TDRD1: variants seen among roughly 807,000 people sequenced by gnomAD.
TDRD1 encodes the protein tudor domain containing 1, also known as tudor domain-containing protein 1.
In TDRD1, 37 loss-of-function variants were observed where a neutral mutation model predicts 140.6. The ratio of observed to expected loss-of-function variants is 0.26; its 90% CI spans 0.20 to 0.35. The LOEUF is 0.35. TDRD1 is among the 10% of genes least tolerant of loss of function. TDRD1 has a pLI of 1.00. For missense variants in TDRD1, 1,243 were observed against 1,393.0 expected (o/e 0.89, Z 1.71); for synonymous variants, 506 against 475.7 (o/e 1.06, Z -0.83).
chr10:114,183,867 C>G (rs1354198915), intron 1 of TDRD1, among the ~76,000 whole-genome samples: 1 of 151,880 alleles, frequency 6.6e-6, no homozygotes. Context: ...CCTTGGCCTC[C>G]CAAAGTGCTG....
chr10:114,222,617 C>T, exon 21 of TDRD1: 1 of 1,611,390 alleles, frequency 6.2e-7, no homozygotes, highest in South Asian at 1.1e-5. Context: ...ATGTTGACAG[C>T]TGAATTATTA....
intron 1 of TDRD1, among the ~76,000 whole-genome samples, chr10:114,185,185 T>C (rs1429041184): frequency 2.0e-5 from 3 of 152,128 alleles, no homozygotes; most frequent in Non-Finnish European, 4.4e-5. Context: ...TTTATCTCCT[T>C]GGAGTGTTTG....
At chr10:114,194,701 GT>G (rs1003309612) in intron 3 of TDRD1, among the ~76,000 whole-genome samples, 3 of 144,532 alleles carry the variant, frequency 2.1e-5, no homozygotes, top group Non-Finnish European at 4.6e-5. Context: ...TTTTGGGCAT[GT>G]TTTTTTGTCA....
upstream of TDRD1, among the ~76,000 whole-genome samples, chr10:114,177,602 A>G (rs1016463070): frequency 2.6e-5 from 4 of 152,212 alleles, no homozygotes; most frequent in East Asian, 7.7e-4. Context: ...AGGATCCATG[A>G]AAACTAAATG....
chr10:114,200,427 A>G (rs902713934), intron 4 of TDRD1, among the ~76,000 whole-genome samples: 1 of 152,080 alleles, frequency 6.6e-6, no homozygotes, highest in Admixed American at 6.6e-5. Context: ...ATGAACACTG[A>G]TGGGATTTTT....
chr10:114,219,106 A>G (rs546313477), intron 18 of TDRD1, among the ~76,000 whole-genome samples: 102 of 152,230 alleles, frequency 6.7e-4, no homozygotes, highest in Non-Finnish European at 1.3e-3. Context: ...TTAGCTGTCT[A>G]TTGCACAGTC....
chr10:114,231,554 G>C, exon 26 of TDRD1: 1 of 1,518,628 alleles, frequency 6.6e-7, no homozygotes, highest in Non-Finnish European at 8.9e-7. Flanking sequence ...AGGAGAGAAA[G>C]TACAGCACCT....
intron 18 of TDRD1, among the ~76,000 whole-genome samples, chr10:114,219,377 A>G (rs1438550947): frequency 1.3e-5 from 2 of 152,176 alleles, no homozygotes; most frequent in Non-Finnish European, 2.9e-5. Flanking sequence ...TTATACCTAT[A>G]GTAGCGGTTA....
At chr10:114,221,409 T>C (rs745331534) in exon 20 of TDRD1, 19 of 1,612,936 alleles carry the variant, frequency 1.2e-5, no homozygotes, top group East Asian at 4.5e-5. Flanking sequence ...TGGATAAAAC[T>C]ATACAAGCAA....
chr10:114,198,582 T>C (rs2034524169), intron 3 of TDRD1, among the ~76,000 whole-genome samples: 1 of 152,034 alleles, frequency 6.6e-6, no homozygotes, highest in African/African-American at 2.4e-5. Flanking sequence ...GCAGTTAATG[T>C]TAAGTTTTCT....
At chr10:114,228,997 C>G (rs1393910588) in intron 25 of TDRD1, among the ~76,000 whole-genome samples, 1 of 152,078 alleles carries the variant, frequency 6.6e-6, no homozygotes, top group Admixed American at 6.5e-5. Flanking sequence ...ACAGGAGAAT[C>G]GCTTGAATCC....
intron 21 of TDRD1, among the ~76,000 whole-genome samples, chr10:114,224,945 G>T (rs544013690): frequency 6.6e-6 from 1 of 152,296 alleles, no homozygotes; most frequent in African/African-American, 2.4e-5. Context: ...CTTTGAGAGT[G>T]GGCAGGGGCT....
Position 114,229,827 on chromosome 10 carries a change from T to A in TDRD1, c.3539-1659T>A, listed in dbSNP as rs939037805. 9.3e-5 allele frequency among the ~76,000 whole-genome samples: 14 copies of A among 149,808 alleles called. No individual in the cohort carries two copies. The East Asian group carries it at 2.5e-3, about 27-fold the overall frequency. On this transcript the variant is annotated intron_variant, in intron 25 of 25. Transcript: ENST00000251864. Reference sequence around the variant, plus strand: ...ACTATATATATATATATTTTTTTTTTATTTTTTATTTTTATTTTTTTTTGA... The same window carrying A: ...ACTATATATATATATATTTTTTTTTAATTTTTTATTTTTATTTTTTTTTGA...
At position 114,192,292 on chromosome 10, in the gene TDRD1, C is replaced by CTTTTTTTT. The variant is rs938140798; in HGVS notation, c.384+1295_384+1302dup. Among the ~76,000 whole-genome samples, 649 of 75,112 alleles carry CTTTTTTTT rather than the reference C, an allele frequency of 8.6e-3. 74 individuals are homozygous for CTTTTTTTT. Among genetic ancestry groups the CTTTTTTTT allele is most frequent in the Non-Finnish European group, 0.011 (443 of 39,240 alleles). 49.3% of individuals were successfully genotyped at this position (75,112 alleles called of 152,430 possible). A position where few individuals can be genotyped will look rare whatever the true frequency, so the allele number is the denominator to read the frequency against. On this transcript the variant is annotated intron_variant, in intron 3 of 25. Transcript: ENST00000251864. Reference sequence around the variant, plus strand: ...TCCCCAAAAAAGTTTGATAGTTTTCCTTTTTTTTTTTTTTTTTTTTTTTTT... The same window carrying CTTTTTTTT: ...TCCCCAAAAAAGTTTGATAGTTTTCCTTTTTTTTTTTTTTTTTTTTTTTTTTTTTTTTT...
intron 18 of TDRD1, among the ~76,000 whole-genome samples, 169 bp from the exon 19 acceptor site, chr10:114,220,399 A>G (rs2036068005): frequency 6.6e-6 from 1 of 152,206 alleles, no homozygotes; most frequent in Non-Finnish European, 1.5e-5. Context: ...TAGCAAGTGC[A>G]TTATCTCTTA....
chr10:114,192,292 C>CTTTTTTTTTTTTTTTTTTTTTT (rs938140798), intron 3 of TDRD1, among the ~76,000 whole-genome samples: 1 of 75,112 alleles, frequency 1.3e-5, no homozygotes, highest in African/African-American at 5.9e-5. Context: ...GATAGTTTTC[C>CTTTTTTTTTTTTTTTTTTTTTT]TTTTTTTTTT....
exon 13 of TDRD1, chr10:114,210,966 A>G: frequency 6.2e-7 from 1 of 1,610,648 alleles, no homozygotes; most frequent in Non-Finnish European, 8.5e-7. Flanking sequence ...CTCAGTTCTC[A>G]GGTAAGGACA....
intron 1 of TDRD1, chr10:114,180,077 T>C (rs1439798527): frequency 6.6e-6 from 1 of 152,234 alleles, no homozygotes; most frequent in Non-Finnish European, 1.5e-5. Flanking sequence ...TCTCCCTTGT[T>C]TATCTGTAGG....
chr10:114,193,046 C>T (rs1438536098), intron 3 of TDRD1, among the ~76,000 whole-genome samples: 2 of 152,114 alleles, frequency 1.3e-5, no homozygotes, highest in African/African-American at 4.8e-5. Flanking sequence ...GACATATTTG[C>T]TGTGTTGAAT....
Sources: allele counts gnomAD v4.1 joint callset (sites outside exome capture counted in the v4.1 genomes callset), GRCh38; gene constraint gnomAD v4.1.1; transcripts MANE v1.5; gene names NCBI Gene and HGNC (gene_info 2026-07-23, HGNC 2026-07-21).